Variants in LRP1B observed in about 807,000 individuals in gnomAD.
LRP1B encodes the protein LDL receptor related protein 1B.
A neutral mutation model predicts 556.6 loss-of-function variants in LRP1B; 217 were observed. The observed-to-expected ratio is 0.39, with a 90% CI of 0.35 to 0.44. LRP1B has a LOEUF of 0.44. Among genes scored for constraint, LRP1B ranks in the 20% least tolerant of loss-of-function variants. The pLI, the probability that LRP1B is intolerant of heterozygous loss-of-function variation, is 1.00. For missense variants in LRP1B, 5,053 were observed against 5,620.8 expected (o/e 0.90, Z 3.23); for synonymous variants, 2,047 against 1,865.8 (o/e 1.10, Z -2.50).
intron 1 of LRP1B, among the ~76,000 whole-genome samples, chr2:141,846,932 A>T (rs890873962): frequency 2.0e-5 from 3 of 151,526 alleles, no homozygotes; most frequent in Non-Finnish European, 4.4e-5. Context: ...AATAAGACAA[A>T]GATGATTGAT....
At chr2:141,044,274 G>T (rs13409358) in intron 11 of LRP1B, among the ~76,000 whole-genome samples, 10,309 of 149,554 alleles carry the variant, frequency 0.069, 445 homozygotes, top group African/African-American at 0.096. Context: ...TCAATTCAAG[G>T]TGGATTAAAG....
chr2:140,923,445 G>A (rs1247927055), intron 20 of LRP1B, among the ~76,000 whole-genome samples: 1 of 151,990 alleles, frequency 6.6e-6, no homozygotes, highest in Admixed American at 6.6e-5. Context: ...CGGATATTCT[G>A]TTGTGGTTTG....
At chr2:141,067,481 C>T (rs1013726746) in intron 7 of LRP1B, among the ~76,000 whole-genome samples, 1 of 151,962 alleles carries the variant, frequency 6.6e-6, no homozygotes, top group African/African-American at 2.4e-5. Context: ...AGAAATTAAA[C>T]TTGACATATG....
chr2:141,724,274 A>G (rs375766229), intron 2 of LRP1B, among the ~76,000 whole-genome samples: 28 of 152,028 alleles, frequency 1.8e-4, no homozygotes, highest in African/African-American at 6.5e-4. Context: ...AAATTACCTC[A>G]TCTTATTTGG....
intron 81 of LRP1B, 147 bp downstream of exon 81, chr2:140,323,746 A>G (rs187710825): frequency 2.5e-6 from 1 of 400,374 alleles, no homozygotes; most frequent in East Asian, 3.8e-5. Flanking sequence ...GGTAAGTTGA[A>G]AAAGTCTAGT....
At chr2:141,572,849 A>T (rs550741821) in intron 2 of LRP1B, among the ~76,000 whole-genome samples, 12 of 152,352 alleles carry the variant, frequency 7.9e-5, no homozygotes, top group African/African-American at 2.9e-4. Flanking sequence ...AGAGACAAAA[A>T]AGGGAATTAC....
chr2:141,535,190 T>A (rs1278862379), intron 2 of LRP1B, among the ~76,000 whole-genome samples: 1 of 152,148 alleles, frequency 6.6e-6, no homozygotes, highest in Non-Finnish European at 1.5e-5. Flanking sequence ...CAGGCTTGAC[T>A]GAGCAGACCT....
chr2:140,694,322 T>C (rs568124521), intron 41 of LRP1B, among the ~76,000 whole-genome samples: 1 of 152,306 alleles, frequency 6.6e-6, no homozygotes, highest in East Asian at 1.9e-4. Context: ...ACTGACTTTA[T>C]ATTCCTAAAA....
chr2:141,513,100 G>T (rs1270147867), intron 2 of LRP1B, among the ~76,000 whole-genome samples: 1 of 152,072 alleles, frequency 6.6e-6, no homozygotes, highest in East Asian at 1.9e-4. Flanking sequence ...AACTGAAACT[G>T]ATAGACAGGT....
intron 41 of LRP1B, among the ~76,000 whole-genome samples, chr2:140,630,640 G>A (rs953932650): frequency 3.3e-5 from 5 of 152,116 alleles, no homozygotes; most frequent in African/African-American, 9.7e-5. Context: ...TTCTAGGAAC[G>A]TCACCACGTT....
intron 20 of LRP1B, among the ~76,000 whole-genome samples, chr2:140,940,667 A>G (rs937628470): frequency 5.3e-5 from 8 of 152,312 alleles, no homozygotes; most frequent in African/African-American, 1.9e-4. Context: ...CGCCAAGTCT[A>G]TCACTGATGG....
At chr2:141,655,476 T>C (rs951493983) in intron 2 of LRP1B, among the ~76,000 whole-genome samples, 1 of 152,152 alleles carries the variant, frequency 6.6e-6, no homozygotes. Flanking sequence ...TTACACCTAA[T>C]TAATTCATGC....
rs144307173 is a variant in LRP1B at position 141,714,023 on chromosome 2, G to T, written c.205+96256C>A. Among the ~76,000 whole-genome samples the T allele has an allele frequency of 5.9e-3, 904 of 152,270 alleles. 2 individuals are homozygous for T. The highest frequency in any genetic ancestry group is 8.8e-3 in the Non-Finnish European group (597 of 68,028). On this transcript the variant is annotated intron_variant, in intron 2 of 90. Transcript: ENST00000389484. Reference sequence around the variant, plus strand: ...TGATACTTATCAGCTGAGTGCTACAGTCTATTTCCAGTCATTACTTTATGT... The same window carrying T: ...TGATACTTATCAGCTGAGTGCTACATTCTATTTCCAGTCATTACTTTATGT...
intron 31 of LRP1B, among the ~76,000 whole-genome samples, chr2:140,828,947 T>C (rs1691621800): frequency 2.6e-5 from 4 of 151,828 alleles, no homozygotes; most frequent in African/African-American, 9.7e-5. Context: ...AGATAGCCCA[T>C]GTAAATAAAA....
intron 41 of LRP1B, among the ~76,000 whole-genome samples, chr2:140,689,594 T>C (rs1686166798): frequency 6.6e-6 from 1 of 152,234 alleles, no homozygotes. Context: ...CCTTCACCTA[T>C]ACAGAGCTTA....
intron 55 of LRP1B, among the ~76,000 whole-genome samples, chr2:140,500,411 C>T (rs1385552111): frequency 6.6e-6 from 1 of 151,902 alleles, no homozygotes; most frequent in East Asian, 1.9e-4. Context: ...TCATAGCATG[C>T]TAAGGCTGGC....
intron 6 of LRP1B, among the ~76,000 whole-genome samples, chr2:141,226,961 A>C (rs2105288558): frequency 6.6e-6 from 1 of 152,314 alleles, no homozygotes; most frequent in African/African-American, 2.4e-5. Context: ...ATTTACTCAG[A>C]TTAAAATATT....
At chr2:141,451,949 A>C (rs964464529) in intron 3 of LRP1B, among the ~76,000 whole-genome samples, 2 of 152,212 alleles carry the variant, frequency 1.3e-5, no homozygotes, top group African/African-American at 4.8e-5. Flanking sequence ...ATGTTAACCA[A>C]GCTAAATTGA....
At chr2:141,209,857 G>A (rs190916409) in intron 6 of LRP1B, among the ~76,000 whole-genome samples, 2 of 152,268 alleles carry the variant, frequency 1.3e-5, no homozygotes, top group East Asian at 3.9e-4. Context: ...AGGAAAGCAA[G>A]TACAAGGGAA....
Sources: allele counts gnomAD v4.1 joint callset (sites outside exome capture counted in the v4.1 genomes callset), GRCh38; gene constraint gnomAD v4.1.1; transcripts MANE v1.5; gene names NCBI Gene and HGNC (gene_info 2026-07-23, HGNC 2026-07-21).